AGAP1: variants seen among roughly 807,000 people sequenced by gnomAD.
AGAP1 encodes ArfGAP with GTPase domain, ankyrin repeat and PH domain 1.
In AGAP1, 29 loss-of-function variants were observed where a neutral mutation model predicts 105.3. The observed-to-expected ratio is 0.28, with a 90% CI of 0.21 to 0.38. The LOEUF (loss-of-function observed/expected upper bound fraction) is 0.38, where lower values mean the gene tolerates loss of function less well. Among genes scored for constraint, AGAP1 ranks in the 10% least tolerant of loss-of-function variants. AGAP1 has a pLI of 1.00. For missense variants in AGAP1, 998 were observed against 1,165.1 expected, an observed-to-expected ratio of 0.86 and a Z score of 2.09; for synonymous variants, 509 against 485.9, an observed-to-expected ratio of 1.05 and a Z score of -0.63.
chr2:235,738,683 G>T (rs988021051), intron 3 of AGAP1, among the ~76,000 whole-genome samples: 4 of 151,204 alleles, frequency 2.6e-5, no homozygotes, highest in African/African-American at 2.4e-5. Context: ...TCAGCCTCCC[G>T]AGTAGCTGGG....
In AGAP1 at chr2:235,737,417, A is replaced by G. The variant is rs1952316532; in HGVS notation, c.311-3546A>G. Among the ~76,000 whole-genome samples, 1 of 152,180 alleles carries G rather than the reference A, an allele frequency of 6.6e-6. No homozygotes were observed. The highest frequency in any genetic ancestry group is 1.5e-5 in the Non-Finnish European group (1 of 68,030). On this transcript the variant is annotated intron_variant, in intron 3 of 17. Transcript: ENST00000304032. This position sits in a 1 kb window ranked among gnomAD's most constrained non-coding sequence, Gnocchi z 4.5. ...TTCGAAGAGACCTTGCTGATGAGAG[A>G]AGGAATCACTGCTCCTTTTAGAGGC...
chr2:236,072,024 A>G (rs1311714223), intron 16 of AGAP1, among the ~76,000 whole-genome samples: 8 of 152,116 alleles, frequency 5.3e-5, no homozygotes. Flanking sequence ...GAGAGAACTA[A>G]ACTTTTTTTA....
Position 235,716,819 on chromosome 2 carries a change from T to G in AGAP1, c.223-738T>G, listed in dbSNP as rs144553297. ...CAACAGGGAGGCTTCCTGTGAAGAA[T>G]CCCCTGGAAAGTCAGCCTTGCCGCC... On this transcript the variant is annotated intron_variant, in intron 2 of 17. Coordinates refer to ENST00000304032, the MANE Select transcript of AGAP1 (RefSeq NM_001037131.3). The surrounding 1 kb of genome is among the most constrained non-coding windows in gnomAD (Gnocchi z 4.0). Among the ~76,000 whole-genome samples the G allele has an allele frequency of 0.015, 2,295 of 151,990 alleles. 63 individuals carry two copies. Among genetic ancestry groups the G allele is most frequent in the African/African-American group, 0.05 (2,053 of 41,452 alleles).
rs559137959 is a variant in AGAP1 at position 235,833,538 on chromosome 2, C to T, written c.1050+26207C>T. Among the ~76,000 whole-genome samples, 188 of 151,574 alleles carry T rather than the reference C, an allele frequency of 1.2e-3. 4 individuals are homozygous for T. In the South Asian group the frequency reaches 0.038, roughly 30 times the overall value. ...ATGCTCACCTTGACTCTCCTCATCA[C>T]CCCGCCCCCTCCTCAGAGTGCTTGC... is the stretch of plus-strand genomic sequence containing the variant. On this transcript the variant is annotated intron_variant, in intron 9 of 17. Coordinates refer to ENST00000304032, the MANE Select transcript of AGAP1 (RefSeq NM_001037131.3).
rs532343160 is a variant in AGAP1, at chr2:235,641,638, T to C, written c.164-67541T>C. 1.4e-4 allele frequency among the ~76,000 whole-genome samples: 22 copies of C among 152,214 alleles called. No individual in the cohort carries two copies. The South Asian group carries it at 3.9e-3, about 27-fold the overall frequency. ...TTGTGTTTGTCCCAAGGCTTTACTT[T>C]CCCCCCCACATACGTTCAGTGGCAT... On this transcript the variant is annotated intron_variant, in intron 1 of 17. Transcript: ENST00000304032.
chr2:235,873,288 CA>C (rs925638833), intron 9 of AGAP1, among the ~76,000 whole-genome samples: 1 of 152,216 alleles, frequency 6.6e-6, no homozygotes, highest in Non-Finnish European at 1.5e-5. Flanking sequence ...TTTTAATCCA[CA>C]AAAGCTATTT....
At chr2:235,856,339 C>T (rs541750264) in intron 9 of AGAP1, among the ~76,000 whole-genome samples, 3 of 152,310 alleles carry the variant, frequency 2.0e-5, no homozygotes, top group South Asian at 2.1e-4. Flanking sequence ...AAATGTGATT[C>T]GCTTGGTGTC....
intron 16 of AGAP1, among the ~76,000 whole-genome samples, chr2:236,103,542 C>G (rs552190257): frequency 6.9e-6 from 1 of 145,216 alleles, no homozygotes; most frequent in East Asian, 2.0e-4. Flanking sequence ...TTCTCTTTTT[C>G]CTTTCTTTCC....
At chr2:235,833,660 T>C (rs544704330) in intron 9 of AGAP1, among the ~76,000 whole-genome samples, 65 of 152,166 alleles carry the variant, frequency 4.3e-4, no homozygotes, top group Middle Eastern at 3.4e-3. Flanking sequence ...TCAAGAAATA[T>C]ATCCCGAATG....
chr2:235,955,532 A>C (rs2125285305), intron 12 of AGAP1, among the ~76,000 whole-genome samples: 1 of 152,344 alleles, frequency 6.6e-6, no homozygotes, highest in South Asian at 2.1e-4. Context: ...TATGGTCATA[A>C]ATTTGGAATC....
chr2:235,779,651 C>G (rs2149918277), intron 6 of AGAP1, among the ~76,000 whole-genome samples: 1 of 152,302 alleles, frequency 6.6e-6, no homozygotes, highest in South Asian at 2.1e-4. Context: ...GGCTGAGGCT[C>G]AGACATCCCT....
At chr2:236,025,082 C>A (rs910981657) in intron 13 of AGAP1, among the ~76,000 whole-genome samples, 2 of 152,172 alleles carry the variant, frequency 1.3e-5, no homozygotes, top group African/African-American at 4.8e-5. Context: ...GTATCTGAAA[C>A]TTCAACATGC....
At chr2:235,713,322 A>G (rs137905705) in intron 2 of AGAP1, among the ~76,000 whole-genome samples, 1 of 152,318 alleles carries the variant, frequency 6.6e-6, no homozygotes, top group African/African-American at 2.4e-5. Context: ...GGCCCAGGGT[A>G]AAAAAAGATG....
At position 235,958,409 on chromosome 2, in the gene AGAP1, A is replaced by G. The variant is rs938469630; in HGVS notation, c.1484-10053A>G. On this transcript the variant is annotated intron_variant, in intron 12 of 17. Coordinates refer to ENST00000304032, the MANE Select transcript of AGAP1 (RefSeq NM_001037131.3). The surrounding 1 kb of genome is among the most constrained non-coding windows in gnomAD (Gnocchi z 4.1). Reference sequence around the variant, plus strand: ...GCAGAGATCAAGTGCACCTACGCCCAGCACCTCCCCCAGCGGACACATTTA... The same window carrying G: ...GCAGAGATCAAGTGCACCTACGCCCGGCACCTCCCCCAGCGGACACATTTA... 1.3e-5 allele frequency among the ~76,000 whole-genome samples: 2 copies of G among 152,098 alleles called. No individual in the cohort carries two copies. The highest frequency in any genetic ancestry group is 2.9e-5 in the Non-Finnish European group (2 of 68,012).
rs1477437263 is a variant in AGAP1 at position 235,759,354 on chromosome 2, A to C, written c.673+8866A>C. Among the ~76,000 whole-genome samples the C allele has an allele frequency of 2.0e-5, 3 of 151,344 alleles. No individual in the cohort carries two copies. In the South Asian group the frequency reaches 6.3e-4, roughly 32 times the overall value. On this transcript the variant is annotated intron_variant, in intron 6 of 17. Coordinates refer to ENST00000304032, the MANE Select transcript of AGAP1 (RefSeq NM_001037131.3). Reference sequence around the variant, plus strand: ...CGGCTAATTTTTTTGTATTTTTAGTAGAGACGGGCTTTCACCGTGTTAGCC... The same window carrying C: ...CGGCTAATTTTTTTGTATTTTTAGTCGAGACGGGCTTTCACCGTGTTAGCC...
Position 236,038,183 on chromosome 2 carries a change from G to C in AGAP1, c.1800+1468G>C, listed in dbSNP as rs1362351279. On this transcript the variant is annotated intron_variant, in intron 14 of 17. Transcript: ENST00000304032. The surrounding 1 kb of genome is among the most constrained non-coding windows in gnomAD (Gnocchi z 4.5). Reference sequence around the variant, plus strand: ...TCACGTCCACATGCATCCATGATGTGCCTCCTGAAACGAGCACAGGGTGCT... The same window carrying C: ...TCACGTCCACATGCATCCATGATGTCCCTCCTGAAACGAGCACAGGGTGCT... Among the ~76,000 whole-genome samples the C allele has an allele frequency of 3.3e-5, 5 of 152,140 alleles. No individual in the cohort carries two copies. Among genetic ancestry groups the C allele is most frequent in the Non-Finnish European group, 5.9e-5 (4 of 68,032 alleles).
At chr2:235,694,319 A>C (rs1949890972) in intron 1 of AGAP1, among the ~76,000 whole-genome samples, 1 of 152,034 alleles carries the variant, frequency 6.6e-6, no homozygotes. Context: ...CTCTACTAAA[A>C]ATACAAAAAG....
chr2:235,763,212 T>C (rs949742229), intron 6 of AGAP1, among the ~76,000 whole-genome samples: 1 of 152,194 alleles, frequency 6.6e-6, no homozygotes, highest in Non-Finnish European at 1.5e-5. Context: ...CCGAAATGTT[T>C]TGAGTGCAGA....
At chr2:235,682,234 G>A (rs1449841964) in intron 1 of AGAP1, among the ~76,000 whole-genome samples, 1 of 152,068 alleles carries the variant, frequency 6.6e-6, no homozygotes, top group African/African-American at 2.4e-5. Flanking sequence ...TAATATGTAC[G>A]TTGTGGACTC....
Sources: gnomAD v4.1 joint callset for allele counts (sites outside exome capture counted in the v4.1 genomes callset) on GRCh38, gnomAD v4.1.1 for gene constraint, Gnocchi (gnomAD v3.1) non-coding constraint, MANE v1.5 for transcripts, NCBI Gene and HGNC (gene_info 2026-07-23, HGNC 2026-07-21) for gene names.